Variants in ZNF248 observed in about 807,000 individuals in gnomAD.
ZNF248 encodes the protein KRAB protein domain.
Under a neutral mutation model 44.3 loss-of-function variants are expected in ZNF248, and 20 were observed. That is an observed-to-expected ratio of 0.45 (90% CI 0.32 to 0.66). The LOEUF (loss-of-function observed/expected upper bound fraction) is 0.66. Among genes scored for constraint, ZNF248 ranks in the 30% least tolerant of loss-of-function variants. The probability of loss-of-function intolerance (pLI) is 0.04; values close to 1 mark genes in which losing one functional copy is unlikely to be tolerated. For synonymous variants in ZNF248, 224 were observed against 229.0 expected (o/e 0.98, Z 0.20); for missense variants, 654 against 677.0 (o/e 0.97, Z 0.38).
chr10:37,832,033 C>A lies in ZNF248; in HGVS notation c.1322G>T (p.Cys441Phe). The A allele has an allele frequency of 1.2e-6, 2 of 1,614,054 alleles. No homozygotes were observed. The highest frequency in any genetic ancestry group is 1.7e-6 in the Non-Finnish European group (2 of 1,179,938). Residue 441 changes from cysteine to phenylalanine, a missense_variant, in exon 6 of 6, where the codon TGT becomes TTT. Coordinates refer to ENST00000395867, the MANE Select transcript of ZNF248 (RefSeq NM_021045.3). ...TGEKPYECKQCGKTFCVKSNL... is the reference protein window; with the variant it reads ...TGEKPYECKQFGKTFCVKSNL... ...TGACTTCACACAGAATGTTTTTCCA[C>A]ATTGCTTACATTCATAGGGTTTTTC...
chr10:37,818,934 A>T, intron 6 of ZNF248: 1 of 1,111,244 alleles, frequency 9.0e-7, no homozygotes, highest in Non-Finnish European at 1.4e-6. Flanking sequence ...CCGACCACAC[A>T]ACAATTTTAT....
chr10:37,857,316 G>T lies in ZNF248; in HGVS notation c.-257C>A, dbSNP rs2061475720. On this transcript the variant is annotated 5_prime_UTR_variant, in exon 1 of 6. Transcript: ENST00000395867. ...TGTAAATAATTACTTGGGATAGGAG[G>T]GCGGTCAGAGCCAGCAGGGGCCCTG... is the stretch of plus-strand genomic sequence containing the variant. 6.6e-6 allele frequency: 1 copy of T among 152,374 alleles called. No individual in the cohort carries two copies. The highest frequency in any genetic ancestry group is 6.5e-5 in the Admixed American group (1 of 15,280). 9.4% of individuals were successfully genotyped at this position (152,374 alleles called of 1,614,324 possible).
chr10:37,833,175 G>A (rs2056319412), intron 5 of ZNF248, 59 bp from the exon 6 acceptor site: 2 of 1,512,558 alleles, frequency 1.3e-6, no homozygotes, highest in East Asian at 4.5e-5. Context: ...GATGGAATCA[G>A]ACTTTTACAC....
intron 6 of ZNF248, among the ~76,000 whole-genome samples, chr10:37,800,012 C>T (rs2049609229): frequency 6.6e-6 from 1 of 151,580 alleles, no homozygotes; most frequent in South Asian, 2.1e-4. Context: ...GTTCAAGACA[C>T]ACCTGGGCAA....
downstream of ZNF248, among the ~76,000 whole-genome samples, chr10:37,825,316 T>C (rs2054202925): frequency 1.3e-5 from 2 of 152,212 alleles, no homozygotes; most frequent in African/African-American, 4.8e-5. Flanking sequence ...TCAATGTCTG[T>C]AGAAAATTTA....
intron 6 of ZNF248, among the ~76,000 whole-genome samples, chr10:37,790,693 A>G (rs1261178840): frequency 6.9e-6 from 1 of 145,816 alleles, no homozygotes; most frequent in Non-Finnish European, 1.6e-5. Flanking sequence ...CTGGCGACAG[A>G]GCGAGGCTCC....
intron 3 of ZNF248, among the ~76,000 whole-genome samples, chr10:37,848,749 G>T (rs1026796373): frequency 2.0e-5 from 3 of 152,138 alleles, no homozygotes; most frequent in Non-Finnish European, 4.4e-5. Context: ...GTTCTGGCAG[G>T]AAACCTGCTG....
intron 3 of ZNF248, among the ~76,000 whole-genome samples, chr10:37,842,532 C>T (rs145388700): frequency 2.4e-4 from 37 of 152,296 alleles, no homozygotes; most frequent in Middle Eastern, 3.4e-3. Context: ...GGTCCTGGTC[C>T]TTGATTCTAG....
At chr10:37,837,281 T>C (rs2057413472) in intron 5 of ZNF248, among the ~76,000 whole-genome samples, 1 of 151,970 alleles carries the variant, frequency 6.6e-6, no homozygotes, top group Non-Finnish European at 1.5e-5. Flanking sequence ...ATCCAGCTAA[T>C]TTTTCATATT....
At chr10:37,836,535 T>C (rs1164385664) in intron 5 of ZNF248, among the ~76,000 whole-genome samples, 5 of 152,154 alleles carry the variant, frequency 3.3e-5, no homozygotes, top group Admixed American at 3.3e-4. Flanking sequence ...CTGCCTGGAC[T>C]ACACTGAATC....
intron 6 of ZNF248, among the ~76,000 whole-genome samples, chr10:37,788,868 T>C (rs2048187682): frequency 6.7e-6 from 1 of 149,514 alleles, no homozygotes; most frequent in African/African-American, 2.4e-5. Flanking sequence ...TATGAATGTC[T>C]AGAAAGACTT....
chr10:37,856,980 C>T (rs2061401850), intron 1 of ZNF248: 1 of 152,590 alleles, frequency 6.6e-6, no homozygotes, highest in Admixed American at 6.5e-5. Context: ...CAAGTATGAC[C>T]TGACTGCACT....
chr10:37,780,790 C>T lies in ZNF248; in HGVS notation c.331-4215G>A, dbSNP rs561931418. Among the ~76,000 whole-genome samples, 17 of 152,296 alleles carry T rather than the reference C, an allele frequency of 1.1e-4. No homozygotes were observed. In the South Asian group the frequency reaches 3.1e-3, roughly 28 times the overall value. On this transcript the variant is annotated intron_variant, in intron 6 of 6. Coordinates refer to the ZNF248 transcript ENST00000615949. Reference sequence around the variant, plus strand: ...GCCCCCGCTCCCACTGCCCCCGAGCCGCGCGGGACCCTGGTCCTAGCCCAA... The same window carrying T: ...GCCCCCGCTCCCACTGCCCCCGAGCTGCGCGGGACCCTGGTCCTAGCCCAA...
chr10:37,818,792 T>C, intron 6 of ZNF248: 1 of 817,732 alleles, frequency 1.2e-6, no homozygotes, highest in Admixed American at 1.9e-5. Context: ...GCTTCAGGTG[T>C]TACTACTCAT....
chr10:37,839,212 T>C (rs1204929684), intron 3 of ZNF248, among the ~76,000 whole-genome samples: 1 of 152,186 alleles, frequency 6.6e-6, no homozygotes, highest in Non-Finnish European at 1.5e-5. Context: ...TGGTACACAT[T>C]TTACGTGCGT....
the ZNF248 span, among the ~76,000 whole-genome samples, chr10:37,764,970 T>G: frequency 1.3e-5 from 2 of 152,114 alleles, no homozygotes; most frequent in Non-Finnish European, 2.9e-5. Context: ...CCTTTTTTTT[T>G]TTCTTTTTTT....
At chr10:37,811,423 A>G (rs2051468992) in intron 6 of ZNF248, among the ~76,000 whole-genome samples, 1 of 152,078 alleles carries the variant, frequency 6.6e-6, no homozygotes, top group African/African-American at 2.4e-5. Flanking sequence ...GACAACTTAG[A>G]GCAAAAAAAT....
chr10:37,794,524 T>G (rs761486770), intron 6 of ZNF248: 2 of 163,612 alleles, frequency 1.2e-5, no homozygotes, highest in Non-Finnish European at 2.8e-5. Context: ...TTTTCTCTGA[T>G]GTACTGTGAG....
rs929075979 is a variant in ZNF248, at chr10:37,810,770, G to A, written c.330+22255C>T. ...CATACACAAATAAAGACTGTACATG[G>A]TACCATTAGCTGTCAAGAGAAATGT... On this transcript the variant is annotated intron_variant, in intron 6 of 6. Transcript: ENST00000615949. Among the ~76,000 whole-genome samples the A allele has an allele frequency of 8.5e-5, 13 of 152,052 alleles. 1 individual carries two copies. Among genetic ancestry groups the A allele is most frequent in the African/African-American group, 3.1e-4 (13 of 41,400 alleles).
Sources: allele counts gnomAD v4.1 joint callset (sites outside exome capture counted in the v4.1 genomes callset), GRCh38; gene constraint gnomAD v4.1.1; transcripts MANE v1.5; gene names NCBI Gene and HGNC (gene_info 2026-07-23, HGNC 2026-07-21).